Variants in LUZP2 observed in about 807,000 individuals in gnomAD.
LUZP2 encodes the protein leucine zipper protein 2.
A neutral mutation model predicts 51.6 loss-of-function variants in LUZP2; 52 were observed. The ratio of observed to expected loss-of-function variants is 1.01; its 90% CI spans 0.81 to 1.27. LUZP2 has a LOEUF of 1.27. Among genes scored for constraint, LUZP2 ranks in the 50% most tolerant of loss-of-function variants. The probability of loss-of-function intolerance (pLI) is 0.00; values close to 1 mark genes in which losing one functional copy is unlikely to be tolerated. For synonymous variants in LUZP2, 154 were observed against 137.3 expected, an observed-to-expected ratio of 1.12 and a Z score of -0.85; for missense variants, 436 against 395.4, an observed-to-expected ratio of 1.10 and a Z score of -0.87.
At position 25,005,957 on chromosome 11, in the gene LUZP2, A is replaced by G. The variant is rs559521398; in HGVS notation, c.765+22664A>G. On this transcript the variant is annotated intron_variant, in intron 9 of 11. Coordinates refer to ENST00000336930, the MANE Select transcript of LUZP2 (RefSeq NM_001009909.4). ...TGCCCCAAAAATGAAGTGGAGGGCC[A>G]AACCCTGAGTGAGGGGAGGGATCTC... 2.0e-5 allele frequency among the ~76,000 whole-genome samples: 3 copies of G among 152,254 alleles called. No individual in the cohort carries two copies. In the South Asian group the frequency reaches 6.2e-4, roughly 32 times the overall value.
intron 3 of LUZP2, among the ~76,000 whole-genome samples, chr11:24,735,052 G>A (rs182732368): frequency 3.9e-5 from 6 of 152,066 alleles, no homozygotes; most frequent in South Asian, 4.1e-4. Flanking sequence ...GAACTGTAAC[G>A]TAGAGGCAAC....
At chr11:25,038,501 G>C (rs1164169573) in intron 9 of LUZP2, among the ~76,000 whole-genome samples, 2 of 152,194 alleles carry the variant, frequency 1.3e-5, no homozygotes, top group East Asian at 1.9e-4. Flanking sequence ...AAGAAGCTCA[G>C]TTTGGGTCTT....
chr11:24,818,935 CATA>C (rs1850272227), intron 5 of LUZP2, among the ~76,000 whole-genome samples: 2 of 151,924 alleles, frequency 1.3e-5, no homozygotes, highest in African/African-American at 4.8e-5. Context: ...CTACAATGTT[CATA>C]GAAGGAGCTC....
chr11:24,564,032 A>G (rs1241355489), intron 1 of LUZP2, among the ~76,000 whole-genome samples: 1 of 152,130 alleles, frequency 6.6e-6, no homozygotes, highest in Admixed American at 6.6e-5. Flanking sequence ...TCCAAGAAAT[A>G]TTTCAGTTTA....
chr11:24,501,178 GAGAT>G (rs1301958962), intron 1 of LUZP2, among the ~76,000 whole-genome samples: 2 of 152,140 alleles, frequency 1.3e-5, no homozygotes, highest in African/African-American at 4.8e-5. Context: ...CCATGTAAAT[GAGAT>G]AGAGGTATGG....
At chr11:24,787,806 C>CT (rs572686803) in intron 5 of LUZP2, among the ~76,000 whole-genome samples, 1 of 152,080 alleles carries the variant, frequency 6.6e-6, no homozygotes. Flanking sequence ...ATTATTATTT[C>CT]TTTTTTGAAA....
At chr11:24,932,169 G>T (rs1211232034) in intron 7 of LUZP2, among the ~76,000 whole-genome samples, 2 of 152,224 alleles carry the variant, frequency 1.3e-5, no homozygotes, top group East Asian at 1.9e-4. Flanking sequence ...GCAGTGAAGA[G>T]AAGTGGATTC....
chr11:24,541,257 G>GAAAA (rs3077907), intron 1 of LUZP2, among the ~76,000 whole-genome samples: 3 of 114,172 alleles, frequency 2.6e-5, no homozygotes, highest in Admixed American at 1.0e-4. Context: ...TCATCTCAAG[G>GAAAA]AAAAAAAAAA....
At chr11:24,969,562 C>G (rs1392893353) in intron 7 of LUZP2, among the ~76,000 whole-genome samples, 1 of 152,090 alleles carries the variant, frequency 6.6e-6, no homozygotes, top group East Asian at 1.9e-4. Flanking sequence ...TCATATTACT[C>G]TGCAAAGAGA....
chr11:25,002,736 C>A (rs538788456), intron 9 of LUZP2, among the ~76,000 whole-genome samples: 3 of 152,280 alleles, frequency 2.0e-5, no homozygotes, highest in South Asian at 2.1e-4. Context: ...GCTATCCCTG[C>A]TCTCTCTCTG....
At chr11:24,803,792 G>A (rs1281693196) in intron 5 of LUZP2, among the ~76,000 whole-genome samples, 1 of 151,954 alleles carries the variant, frequency 6.6e-6, no homozygotes, top group African/African-American at 2.4e-5. Context: ...CAATATATAT[G>A]GAAGACTAGC....
chr11:24,945,383 C>T (rs781773671), intron 7 of LUZP2, among the ~76,000 whole-genome samples: 2 of 152,116 alleles, frequency 1.3e-5, no homozygotes, highest in Non-Finnish European at 2.9e-5. Flanking sequence ...TACATTCTTA[C>T]ATTCATTGTG....
intron 1 of LUZP2, among the ~76,000 whole-genome samples, chr11:24,665,591 T>A (rs1166539305): frequency 6.6e-6 from 1 of 152,140 alleles, no homozygotes; most frequent in Non-Finnish European, 1.5e-5. Flanking sequence ...ACCTGGTAAT[T>A]GAATCATGGG....
intron 7 of LUZP2, among the ~76,000 whole-genome samples, chr11:24,970,309 A>AT (rs1217492545): frequency 6.6e-6 from 1 of 151,986 alleles, no homozygotes; most frequent in Non-Finnish European, 1.5e-5. Context: ...ATTATCATAT[A>AT]TTTTTTCCAT....
chr11:24,959,512 A>T (rs1436516434), intron 7 of LUZP2, among the ~76,000 whole-genome samples: 1 of 152,014 alleles, frequency 6.6e-6, no homozygotes, highest in Non-Finnish European at 1.5e-5. Flanking sequence ...ATTCTCTTTG[A>T]AGCAATTGTG....
chr11:25,033,209 G>C (rs111650341), intron 9 of LUZP2, among the ~76,000 whole-genome samples: 14 of 152,262 alleles, frequency 9.2e-5, no homozygotes, highest in African/African-American at 3.1e-4. Context: ...AACTTTAGCA[G>C]AATAAGGAAC....
chr11:24,802,455 C>A (rs1291769812), intron 5 of LUZP2, among the ~76,000 whole-genome samples: 2 of 151,660 alleles, frequency 1.3e-5, no homozygotes. Context: ...GATATCACTG[C>A]CACTGTTTTT....
At position 24,830,199 on chromosome 11, in the gene LUZP2, T is replaced by C. The variant is rs532578201; in HGVS notation, c.396+66891T>C. On this transcript the variant is annotated intron_variant, in intron 5 of 11. Coordinates refer to ENST00000336930, the MANE Select transcript of LUZP2 (RefSeq NM_001009909.4). The stretch of plus-strand genomic sequence containing the variant: ...ACTAGTATCTGTATCAAAACTACCA[T>C]CACATAAACTTTCAAATTATATTTC... Among the ~76,000 whole-genome samples, 13 of 152,300 alleles carry C rather than the reference T, an allele frequency of 8.5e-5. No homozygotes were observed. The East Asian group carries it at 2.3e-3, about 27-fold the overall frequency.
chr11:24,958,455 T>C (rs2133874101), intron 7 of LUZP2, among the ~76,000 whole-genome samples: 1 of 152,314 alleles, frequency 6.6e-6, no homozygotes, highest in African/African-American at 2.4e-5. Context: ...CTAACTGGTG[T>C]GAGATGATAA....
Sources: gnomAD v4.1 joint callset for allele counts (sites outside exome capture counted in the v4.1 genomes callset) on GRCh38, gnomAD v4.1.1 for gene constraint, MANE v1.5 for transcripts, NCBI Gene and HGNC (gene_info 2026-07-23, HGNC 2026-07-21) for gene names.